The following MTG1 variants were observed in gnomAD, a reference collection of about 807,000 sequenced individuals.
MTG1 encodes mitochondrial ribosome associated GTPase 1, also known as mitochondrial ribosome-associated GTPase 1.
MTG1 carries 30 observed loss-of-function variants against 39.5 expected under a neutral mutation model. The observed-to-expected ratio is 0.76, with a 90% CI of 0.57 to 1.03. The LOEUF is 1.03. MTG1 is among the 50% of genes least tolerant of loss of function. MTG1 has a pLI of 0.00. For missense variants in MTG1, 513 were observed against 447.4 expected (o/e 1.15, Z -1.32); for synonymous variants, 217 against 179.0 (o/e 1.21, Z -1.69).
intron 9 of MTG1, among the ~76,000 whole-genome samples, chr10:133,409,152 C>CT (rs895214882): frequency 1.3e-5 from 2 of 151,734 alleles, no homozygotes; most frequent in Non-Finnish European, 2.9e-5. Flanking sequence ...GAGTCTTCTG[C>CT]TTTTTTTAGC....
chr10:133,400,451 A>G (rs1200284214), intron 6 of MTG1, among the ~76,000 whole-genome samples: 1 of 152,082 alleles, frequency 6.6e-6, no homozygotes, highest in Non-Finnish European at 1.5e-5. Context: ...TTCCTTAAGT[A>G]TTTTCAAGTT....
In MTG1 at chr10:133,395,702, C is replaced by T. The variant is rs148522639; in HGVS notation, c.113-11C>T. ...TGAGCCCCTTCGCTGAGGCGTCCTTCTGTTTTCCAGGGCTGAAGAAGATGC... is the reference window on the plus strand; with the variant it reads ...TGAGCCCCTTCGCTGAGGCGTCCTTTTGTTTTCCAGGGCTGAAGAAGATGC... On this transcript the variant is annotated splice_polypyrimidine_tract_variant and intron_variant, in intron 1 of 10. Coordinates refer to ENST00000317502, the MANE Select transcript of MTG1 (RefSeq NM_138384.4). 9.5e-3 allele frequency: 15,295 copies of T among 1,613,844 alleles called. 108 individuals are homozygous for T. The highest frequency in any genetic ancestry group is 0.04 in the Middle Eastern group (240 of 6,056).
intron 7 of MTG1, 33 bp downstream of exon 7, chr10:133,401,623 G>C (rs1268475258): frequency 6.2e-7 from 1 of 1,609,926 alleles, no homozygotes; most frequent in African/African-American, 1.3e-5. Flanking sequence ...CCAGCACTCT[G>C]TCAAGAGCTC....
chr10:133,394,162 C>T lies in MTG1; in HGVS notation c.-59C>T. 3 of 1,328,938 alleles carry T rather than the reference C, an allele frequency of 2.3e-6. No homozygotes were observed. The highest frequency in any genetic ancestry group is 1.3e-5 in the South Asian group (1 of 74,204). 82.3% of individuals were successfully genotyped at this position (1,328,938 alleles called of 1,614,324 possible). On this transcript the variant is annotated 5_prime_UTR_variant, in exon 1 of 11. Coordinates refer to ENST00000317502, the MANE Select transcript of MTG1 (RefSeq NM_138384.4). The stretch of plus-strand genomic sequence containing the variant: ...GCCCGCAGCGCCGGAACCTCAGAGG[C>T]GGGTCGCAGCGGCGCAGAGGAGGTC...
In MTG1 at chr10:133,420,574, A is replaced by G. The variant is rs2255262; in HGVS notation, c.*409A>G. 0.99 allele frequency: 173,418 copies of G among 174,550 alleles called. 86,157 individuals carry two copies. Among genetic ancestry groups the G allele is most frequent in the Middle Eastern group, 1 (416 of 416 alleles). The allele number at this position is 174,550 out of a possible 1,614,324, so 10.8% of individuals were successfully genotyped here. Reference sequence around the variant, plus strand: ...TGTGTTAAAGCTGCTCTCACCAGTGAAACCTAAGAAATGAGCAGGTTGGCA... The same window carrying G: ...TGTGTTAAAGCTGCTCTCACCAGTGGAACCTAAGAAATGAGCAGGTTGGCA... On this transcript the variant is annotated 3_prime_UTR_variant, in exon 11 of 11. Coordinates refer to ENST00000317502, the MANE Select transcript of MTG1 (RefSeq NM_138384.4).
At chr10:133,407,771 C>T (rs1248196995) in intron 9 of MTG1, among the ~76,000 whole-genome samples, 3 of 151,930 alleles carry the variant, frequency 2.0e-5, no homozygotes, top group Admixed American at 6.6e-5. Context: ...GGTTTCTCCA[C>T]GTTGGTCAGG....
intron 4 of MTG1, 86 bp from the exon 5 acceptor site, chr10:133,399,084 T>C (rs1849829679): frequency 7.0e-7 from 1 of 1,434,476 alleles, no homozygotes; most frequent in Non-Finnish European, 9.8e-7. Context: ...CTGGAATCCC[T>C]AATCCTGTTC....
intron 9 of MTG1, among the ~76,000 whole-genome samples, chr10:133,416,215 T>C (rs990302220): frequency 4.6e-5 from 7 of 152,042 alleles, no homozygotes; most frequent in Non-Finnish European, 4.4e-5. Context: ...CTTCCGCAAG[T>C]TGAGTTTGGA....
intron 1 of MTG1, among the ~76,000 whole-genome samples, chr10:133,395,334 G>A (rs941134952): frequency 6.6e-6 from 1 of 152,226 alleles, no homozygotes; most frequent in Non-Finnish European, 1.5e-5. Flanking sequence ...GGCGGAGGTT[G>A]CAGTGAGCCG....
intron 9 of MTG1, among the ~76,000 whole-genome samples, chr10:133,415,011 C>G (rs1042593976): frequency 6.6e-6 from 1 of 152,220 alleles, no homozygotes; most frequent in Non-Finnish European, 1.5e-5. Context: ...CAAAAAAATA[C>G]GAAAACCAGT....
At chr10:133,399,077 G>A (rs1849829598) in intron 4 of MTG1, 93 bp from the exon 5 acceptor site, 2 of 1,357,994 alleles carry the variant, frequency 1.5e-6, no homozygotes, top group Non-Finnish European at 1.1e-6. Context: ...GGAGACACTG[G>A]AATCCCTAAT....
At position 133,410,172 on chromosome 10, in the gene MTG1, ATAGT is replaced by A. The variant is rs1232863775; in HGVS notation, c.752+7403_752+7406del. Among the ~76,000 whole-genome samples the A allele has an allele frequency of 5.3e-5, 8 of 152,072 alleles. No homozygotes were observed. In the South Asian group the frequency reaches 1.5e-3, roughly 28 times the overall value. On this transcript the variant is annotated intron_variant, in intron 9 of 10. Transcript: ENST00000317502. The stretch of plus-strand genomic sequence containing the variant: ...GCAGTCTTCCCACCGCAGCCTCCTG[ATAGT>A]TAGGACTACAGGCGTGTGCCACCAC...
chr10:133,400,039 A>G (rs1050783149), intron 6 of MTG1, among the ~76,000 whole-genome samples: 1 of 152,078 alleles, frequency 6.6e-6, no homozygotes, highest in Non-Finnish European at 1.5e-5. Context: ...AAAAATACGA[A>G]AAATTAGGTG....
chr10:133,418,723 G>A (rs560870889), intron 9 of MTG1, among the ~76,000 whole-genome samples: 2 of 152,288 alleles, frequency 1.3e-5, no homozygotes, highest in Admixed American at 6.5e-5. Flanking sequence ...GCCTGCCCTC[G>A]TGGGAGCCAC....
At chr10:133,412,351 A>G (rs987120489) in intron 9 of MTG1, among the ~76,000 whole-genome samples, 2 of 152,322 alleles carry the variant, frequency 1.3e-5, no homozygotes, top group East Asian at 1.9e-4. Context: ...CATTGCTAGT[A>G]TACAGAAGTA....
At position 133,422,042 on chromosome 10, in the gene MTG1, C is replaced by CTT. The variant is rs1850250421; in HGVS notation, c.*1878_*1879dup. On this transcript the variant is annotated 3_prime_UTR_variant, in exon 11 of 11. Coordinates refer to ENST00000317502, the MANE Select transcript of MTG1 (RefSeq NM_138384.4). ...CGGGACTGGGAAGCAGAGGGCTGGT[C>CTT]TTAACACAGGTGTGTCCAGTGCTGG... The CTT allele has an allele frequency of 6.5e-6, 1 of 153,452 alleles. No individual in the cohort carries two copies. The highest frequency in any genetic ancestry group is 2.4e-5 in the African/African-American group (1 of 41,480). 9.5% of individuals were successfully genotyped at this position (153,452 alleles called of 1,614,324 possible).
At chr10:133,403,697 A>C (rs1849922116) in intron 9 of MTG1, among the ~76,000 whole-genome samples, 1 of 152,146 alleles carries the variant, frequency 6.6e-6, no homozygotes, top group African/African-American at 2.4e-5. Flanking sequence ...GGTTGTTTGC[A>C]GGTTTTGGCT....
Position 133,420,056 on chromosome 10 carries a change from C to G in MTG1, c.896C>G (p.Pro299Arg), listed in dbSNP as rs1451650799. The G allele has an allele frequency of 1.2e-6, 2 of 1,613,158 alleles. No individual in the cohort carries two copies. The highest frequency in any genetic ancestry group is 2.2e-5 in the East Asian group (1 of 44,866). ...GTGAACATTATTCAGCCTAACTATC[C>G]TGCGGCAGCCCGTGACTTCCTGCAG... Reference protein sequence around the residue: ...GNVNIIQPNYPAAARDFLQTF... With the variant: ...GNVNIIQPNYRAAARDFLQTF... The change falls in exon 11 of 11, where the codon CCT (proline) becomes CGT (arginine). Residue 299 changes from proline (P) to arginine (R), a missense_variant. Physicochemically the swap from Pro to Arg is moderately radical, Grantham distance 103. Transcript: ENST00000317502.
chr10:133,411,585 T>C (rs185318596), intron 9 of MTG1, among the ~76,000 whole-genome samples: 2 of 152,348 alleles, frequency 1.3e-5, no homozygotes, highest in African/African-American at 4.8e-5. Flanking sequence ...TTCCTAGGTT[T>C]GCTCCTCTGA....
Sources: allele counts gnomAD v4.1 joint callset (sites outside exome capture counted in the v4.1 genomes callset), GRCh38; gene constraint gnomAD v4.1.1; transcripts MANE v1.5; gene names NCBI Gene and HGNC (gene_info 2026-07-23, HGNC 2026-07-21).